The following FRMPD4 variants were observed in gnomAD, a reference collection of about 807,000 sequenced individuals.
FRMPD4 encodes the protein FERM and PDZ domain-containing protein 4.
FRMPD4 carries 22 observed loss-of-function variants against 94.1 expected under a neutral mutation model. The observed-to-expected ratio is 0.23, with a 90% CI of 0.17 to 0.33. The LOEUF (loss-of-function observed/expected upper bound fraction) is 0.33, where lower values mean the gene tolerates loss of function less well. Ranked by LOEUF, FRMPD4 falls within the 10% of genes least tolerant of loss-of-function variation. The pLI is 1.00. For missense variants in FRMPD4, 1,111 were observed against 1,339.9 expected (o/e 0.83, Z 2.67); for synonymous variants, 631 against 548.6 (o/e 1.15, Z -2.10).
chrX:12,257,743 G>A (rs1228270147), intron 1 of FRMPD4, among the ~76,000 whole-genome samples: 1 of 111,436 alleles, frequency 9.0e-6, no homozygotes, highest in Admixed American at 9.5e-5. Context: ...CCCAACGCTT[G>A]TTTTAGGTAC....
At chrX:11,896,275 C>A (rs1255419409) in intron 3 of FRMPD4, among the ~76,000 whole-genome samples, 1 of 112,387 alleles carries the variant, frequency 8.9e-6, no homozygotes, top group Non-Finnish European at 1.9e-5. Flanking sequence ...TTTTCACCCC[C>A]CGCAGTGCCC....
In FRMPD4 at chrX:12,716,848, G is replaced by A. The variant is rs201930992; in HGVS notation, c.2389G>A (p.Asp797Asn). ...PPPEGDDNED[D>N]FLLRSLNMAI... ...TCCAGAAGGTGATGACAATGAGGATGACTTCCTGTTGCGTTCCTTGAACAT... is the reference window on the plus strand; with the variant it reads ...TCCAGAAGGTGATGACAATGAGGATAACTTCCTGTTGCGTTCCTTGAACAT... Residue 797 changes from aspartate to asparagine, a missense_variant, in exon 15 of 17, where the codon GAC (aspartate) becomes AAC (asparagine). Physicochemically the swap from Asp to Asn is conservative, Grantham distance 23. This residue lies in a region of FRMPD4 where 74 missense variants were observed against 93.9 expected (regional missense o/e 0.79). Transcript: ENST00000675598. 198 of 1,210,357 alleles carry A rather than the reference G, an allele frequency of 1.6e-4. No individual in the cohort carries two copies. Among genetic ancestry groups the A allele is most frequent in the Non-Finnish European group, 4.5e-5 (40 of 895,252 alleles).
chrX:12,086,588 A>G (rs1251387359), intron 3 of FRMPD4, among the ~76,000 whole-genome samples: 3 of 111,725 alleles, frequency 2.7e-5, no homozygotes, highest in African/African-American at 9.8e-5. Context: ...GGGTGACAAG[A>G]GTGCCTCTCT....
At chrX:12,472,541 T>C (rs868075472) in intron 1 of FRMPD4, among the ~76,000 whole-genome samples, 35 of 111,341 alleles carry the variant, frequency 3.1e-4, no homozygotes, top group African/African-American at 1.1e-3. Context: ...AGCTAACCCA[T>C]GGCAAAGAAG....
intron 2 of FRMPD4, among the ~76,000 whole-genome samples, chrX:12,545,937 G>T (rs764163481): frequency 1.8e-5 from 2 of 112,532 alleles, no homozygotes; most frequent in African/African-American, 6.5e-5. Flanking sequence ...TCAGTCAGTG[G>T]TTTTTATCGT....
In FRMPD4 at chrX:12,076,353, T is replaced by C. The variant is rs760237361; in HGVS notation, c.95+198335T>C. On this transcript the variant is annotated intron_variant, in intron 3 of 18. Transcript: ENST00000640291. ...GTGTGTGTGTGTGTGTGTGTGTGTG[T>C]GTGTATGTGTGTGTGTGTGTGGAGA... Among the ~76,000 whole-genome samples the C allele has an allele frequency of 1.7e-4, 18 of 109,018 alleles. No individual in the cohort carries two copies. In the East Asian group the frequency reaches 5.2e-3, roughly 32 times the overall value. The allele number at this position is 109,018 out of a possible 115,157, so 94.7% of individuals were successfully genotyped here. A position where few individuals can be genotyped will look rare whatever the true frequency, so the allele number is the denominator to read the frequency against.
intron 1 of FRMPD4, among the ~76,000 whole-genome samples, chrX:11,858,034 T>C (rs912588761): frequency 2.7e-5 from 3 of 111,255 alleles, no homozygotes; most frequent in Admixed American, 1.9e-4. Context: ...GAATGACTAT[T>C]ATTAAAAAGC....
At chrX:11,972,491 T>C (rs1488227167) in intron 3 of FRMPD4, among the ~76,000 whole-genome samples, 1 of 112,038 alleles carries the variant, frequency 8.9e-6, no homozygotes, top group Non-Finnish European at 1.9e-5. Context: ...TAAATTGAAA[T>C]TGTCCAGTTT....
intron 3 of FRMPD4, among the ~76,000 whole-genome samples, chrX:11,966,494 A>G (rs961917981): frequency 3.6e-5 from 4 of 111,075 alleles, no homozygotes; most frequent in Non-Finnish European, 7.6e-5. Context: ...GACCCAGTCT[A>G]AAGTATTTTA....
intron 3 of FRMPD4, among the ~76,000 whole-genome samples, chrX:12,038,385 T>C (rs2054731429): frequency 8.9e-6 from 1 of 112,405 alleles, no homozygotes; most frequent in African/African-American, 3.2e-5. Flanking sequence ...AATGTGCTTT[T>C]AGCAGCTTAT....
At chrX:12,679,685 A>G (rs958315077) in intron 5 of FRMPD4, among the ~76,000 whole-genome samples, 1 of 111,727 alleles carries the variant, frequency 9.0e-6, no homozygotes, top group Non-Finnish European at 1.9e-5. Flanking sequence ...CACTCCATCA[A>G]TGATTGACAG....
In FRMPD4 at chrX:12,206,098, G is replaced by A. The variant is rs778375944; in HGVS notation, c.41+67086G>A. Among the ~76,000 whole-genome samples, 253 of 111,956 alleles carry A rather than the reference G, an allele frequency of 2.3e-3. 2 individuals carry two copies. The highest frequency in any genetic ancestry group is 0.014 in the Middle Eastern group (3 of 214). Reference sequence around the variant, plus strand: ...CCAAGATAAACCTGGTGACAAATCTGGTCTTTATCACTGTGTGATCTTTCT... The same window carrying A: ...CCAAGATAAACCTGGTGACAAATCTAGTCTTTATCACTGTGTGATCTTTCT... On this transcript the variant is annotated intron_variant, in intron 1 of 16. Coordinates refer to ENST00000675598, the MANE Select transcript of FRMPD4 (RefSeq NM_001368397.1).
At chrX:12,131,340 G>A (rs943935938) in intron 3 of FRMPD4, among the ~76,000 whole-genome samples, 66 of 112,241 alleles carry the variant, frequency 5.9e-4, no homozygotes, top group African/African-American at 2.0e-3. Context: ...TACCAATGTA[G>A]ATGGAATCTC....
chrX:11,985,618 C>T (rs1213847043), intron 3 of FRMPD4, among the ~76,000 whole-genome samples: 1 of 112,284 alleles, frequency 8.9e-6, no homozygotes, highest in Non-Finnish European at 1.9e-5. Context: ...TAGGCTTAGG[C>T]TCTTAGACAT....
chrX:11,978,089 G>A (rs979714033), intron 3 of FRMPD4, among the ~76,000 whole-genome samples: 2 of 109,039 alleles, frequency 1.8e-5, no homozygotes, highest in South Asian at 8.3e-4. Flanking sequence ...TTGGTAGGCC[G>A]AGGTGGGCGG....
chrX:12,029,600 AT>A (rs2054679953), intron 3 of FRMPD4, among the ~76,000 whole-genome samples: 1 of 111,611 alleles, frequency 9.0e-6, no homozygotes, highest in Admixed American at 9.5e-5. Context: ...ATAGTTTTGC[AT>A]TTTACATTTA....
chrX:12,128,016 C>A (rs2055515580), intron 3 of FRMPD4, among the ~76,000 whole-genome samples: 2 of 112,881 alleles, frequency 1.8e-5, no homozygotes, highest in African/African-American at 6.4e-5. Flanking sequence ...TTGCAAGGCA[C>A]AGCCACCTCC....
intron 2 of FRMPD4, among the ~76,000 whole-genome samples, chrX:12,566,261 G>A: frequency 9.0e-6 from 1 of 111,299 alleles, no homozygotes; most frequent in South Asian, 3.9e-4. Context: ...ACTGTGACAG[G>A]CTCCACCTCC....
At chrX:12,284,743 T>C (rs2054575539) in intron 1 of FRMPD4, among the ~76,000 whole-genome samples, 1 of 111,898 alleles carries the variant, frequency 8.9e-6, no homozygotes, top group Non-Finnish European at 1.9e-5. Flanking sequence ...AGTGTTACAT[T>C]TTGTCTCGCT....
Sources: gnomAD v4.1 joint callset for allele counts (sites outside exome capture counted in the v4.1 genomes callset) on GRCh38, gnomAD v4.1.1 for gene constraint, gnomAD v4.1.1 regional missense constraint, MANE v1.5 for transcripts, NCBI Gene and HGNC (gene_info 2026-07-23, HGNC 2026-07-21) for gene names.